LILRA1: variants seen among roughly 807,000 people sequenced by gnomAD.
The protein encoded by LILRA1 is leukocyte immunoglobulin like receptor A1.
Under a neutral mutation model 51.6 loss-of-function variants are expected in LILRA1, and 51 were observed. The observed-to-expected ratio is 0.99, with a 90% CI of 0.79 to 1.25. LILRA1 has a LOEUF of 1.25. Ranked by LOEUF, LILRA1 falls within the 50% of genes most tolerant of loss-of-function variation. The probability of loss-of-function intolerance (pLI) is 0.00; values close to 1 mark genes in which losing one functional copy is unlikely to be tolerated. For synonymous variants in LILRA1, 305 were observed against 248.4 expected, an observed-to-expected ratio of 1.23 and a Z score of -2.14; for missense variants, 660 against 611.7, an observed-to-expected ratio of 1.08 and a Z score of -0.83.
In LILRA1 at chr19:54,595,949, C is replaced by A. The variant is rs376810585; in HGVS notation, c.958+14C>A. ...TCCTGATCGCAGGTGAGGAGCCCAG[C>A]GGGTTCAGTCAGGGACACAGGCTCC... On this transcript the variant is annotated intron_variant, in intron 6 of 9. Transcript: ENST00000251372. The A allele has an allele frequency of 1.2e-6, 2 of 1,611,252 alleles. No homozygotes were observed. The highest frequency in any genetic ancestry group is 2.7e-5 in the African/African-American group (2 of 74,738).
In LILRA1 at chr19:54,595,658, A is replaced by C. The variant is rs1467479038; in HGVS notation, c.681A>C (p.Ser227=). Residue 227 remains serine, a synonymous_variant, in exon 6 of 10, where the codon TCA becomes TCC. Transcript: ENST00000251372. The stretch of plus-strand genomic sequence containing the variant: ...TCCCAGGTGTTTCTAAGAAGCCATC[A>C]CTCTCAGTGCAGCCAGGTCCTATAG... ...LLVLGVSKKP[S]LSVQPGPIVA... 6.2e-6 allele frequency: 10 copies of C among 1,609,470 alleles called. No homozygotes were observed. The highest frequency in any genetic ancestry group is 8.5e-6 in the Non-Finnish European group (10 of 1,176,868).
rs1466761756 is a variant in LILRA1, at chr19:54,601,313, C to A, written c.*496C>A. On this transcript the variant is annotated 3_prime_UTR_variant, in exon 10 of 10. Transcript: ENST00000251372. ...GGATTTCAACCAGGAAAAGATAAAT[C>A]CACCCTGATGCCCTGACACCCTCTC... The A allele has an allele frequency of 5.2e-6, 1 of 193,226 alleles. No individual in the cohort carries two copies. The highest frequency in any genetic ancestry group is 1.4e-4 in the East Asian group (1 of 7,184). 12.0% of individuals were successfully genotyped at this position (193,226 alleles called of 1,614,324 possible).
intron 5 of LILRA1, 97 bp from the exon 6 acceptor site, chr19:54,595,542 A>C (rs567525267): frequency 6.5e-6 from 10 of 1,543,010 alleles, no homozygotes; most frequent in East Asian, 2.3e-5. Flanking sequence ...GGCCGGAGAC[A>C]CAGGAAGATC....
intron 7 of LILRA1, among the ~76,000 whole-genome samples, chr19:54,598,509 C>T (rs1421855839): frequency 1.3e-5 from 2 of 152,140 alleles, no homozygotes; most frequent in East Asian, 3.9e-4. Flanking sequence ...TGCAGCTCAG[C>T]CCTGGGCCTG....
rs2063145052 is a variant in LILRA1, at chr19:54,600,557, G to C, written c.1351+7G>C. 1.2e-6 allele frequency: 2 copies of C among 1,613,994 alleles called. No homozygotes were observed. Among genetic ancestry groups the C allele is most frequent in the Non-Finnish European group, 1.7e-6 (2 of 1,180,006 alleles). On this transcript the variant is annotated splice_region_variant and intron_variant, in intron 9 of 9. Transcript: ENST00000251372. ...CCATCACAAAACAAGACTGGTGAGTGAGGAGATGCTCTCGTTTACGGTGCT... is the reference window on the plus strand; with the variant it reads ...CCATCACAAAACAAGACTGGTGAGTCAGGAGATGCTCTCGTTTACGGTGCT...
chr19:54,602,228 T>C lies in LILRA1; in HGVS notation c.*1411T>C, dbSNP rs2063172656. 6.6e-6 allele frequency: 1 copy of C among 152,064 alleles called. No homozygotes were observed. The allele number at this position is 152,064 out of a possible 1,614,324, so 9.4% of individuals were successfully genotyped here. On this transcript the variant is annotated 3_prime_UTR_variant, in exon 10 of 10. Coordinates refer to ENST00000251372, the MANE Select transcript of LILRA1 (RefSeq NM_006863.4). ...CCTCTAGAATAAAGAAATCTTATCA[T>C]TCACCGTCTACCCTCTAGAGTAAAC...
At chr19:54,596,540 C>T (rs2063062789) in intron 7 of LILRA1, 49 bp downstream of exon 7, 1 of 1,610,416 alleles carries the variant, frequency 6.2e-7, no homozygotes, top group East Asian at 2.2e-5. Context: ...TCAGCTCAGG[C>T]CCTGCCCCCC....
In LILRA1 at chr19:54,594,326, C is replaced by T. The variant is rs1245587089; in HGVS notation, c.34+48C>T. Reference sequence around the variant, plus strand: ...AGCTTCTAACCTAGGAGGGACCTCACCCCACAGCCGACCTCTAGTCCCTAA... The same window carrying T: ...AGCTTCTAACCTAGGAGGGACCTCATCCCACAGCCGACCTCTAGTCCCTAA... On this transcript the variant is annotated intron_variant, in intron 2 of 9. Coordinates refer to ENST00000251372, the MANE Select transcript of LILRA1 (RefSeq NM_006863.4). The T allele has an allele frequency of 5.0e-6, 8 of 1,613,416 alleles. No individual in the cohort carries two copies. The African/African-American group carries it at 5.3e-5, about 11-fold the overall frequency.
At position 54,595,233 on chromosome 19, in the gene LILRA1, C is replaced by A. The variant is rs780298927; in HGVS notation, c.492C>A (p.His164Gln). The A allele has an allele frequency of 6.2e-7, 1 of 1,614,130 alleles. No homozygotes were observed. The highest frequency in any genetic ancestry group is 8.5e-7 in the Non-Finnish European group (1 of 1,180,010). Residue 164 changes from histidine (H) to glutamine (Q), a missense_variant, in exon 5 of 10, where the codon CAC becomes CAA. By Grantham distance (24) the His-to-Gln change is conservative (BLOSUM62 0). Coordinates refer to ENST00000251372, the MANE Select transcript of LILRA1 (RefSeq NM_006863.4). ...TGTGTAAGGAAGGAGAAGATGAACA[C>A]CCACAATGCCTGAACTCACAGCCCC... ...FILCKEGEDE[H>Q]PQCLNSQPRT...
rs1427441392 is a variant in LILRA1 at position 54,599,249 on chromosome 19, C to A, written c.1275C>A (p.Thr425=). 1.3e-6 allele frequency: 2 copies of A among 1,573,910 alleles called. No individual in the cohort carries two copies. The highest frequency in any genetic ancestry group is 1.7e-6 in the Non-Finnish European group (2 of 1,155,610). Reference sequence around the variant, plus strand: ...TTTGATTCTCAGGAGCAGCTGAGACCCTCAGCCCACCACAAAACAAGTCCG... The same window carrying A: ...TTTGATTCTCAGGAGCAGCTGAGACACTCAGCCCACCACAAAACAAGTCCG... ...LELMVSGAAE[T]LSPPQNKSDS... Residue 425 remains threonine (T), a synonymous_variant, in exon 8 of 10, where the codon ACC becomes ACA. Transcript: ENST00000251372.
chr19:54,598,760 G>A (rs557418250), intron 7 of LILRA1, among the ~76,000 whole-genome samples: 1 of 152,108 alleles, frequency 6.6e-6, no homozygotes, highest in East Asian at 1.9e-4. Context: ...ATTGTTAAAG[G>A]TGTTGAATAA....
rs1203637943 is a variant in LILRA1, at chr19:54,596,291, C to A, written c.1061C>A (p.Thr354Asn). 4 of 1,614,040 alleles carry A rather than the reference C, an allele frequency of 2.5e-6. No homozygotes were observed. Among genetic ancestry groups the A allele is most frequent in the Non-Finnish European group, 3.4e-6 (4 of 1,180,026 alleles). Residue 354 changes from threonine to asparagine, a missense_variant, in exon 7 of 10, where the codon ACT becomes AAT. Physicochemically the swap from Thr to Asn is moderately conservative, Grantham distance 65. Transcript: ENST00000251372. ...LLCQSWGPFH[T>N]FLLTKAGAAD... ...TGTCAGTCATGGGGGCCGTTCCACA[C>A]TTTCCTTCTGACCAAGGCGGGAGCA... is the stretch of plus-strand genomic sequence containing the variant.
At chr19:54,596,596 G>T in intron 7 of LILRA1, 105 bp downstream of exon 7, 7 of 1,498,544 alleles carry the variant, frequency 4.7e-6, no homozygotes, top group Non-Finnish European at 6.4e-6. Flanking sequence ...GGCTGGGCAC[G>T]GTGGCTTACA....
chr19:54,594,348 C>T, intron 2 of LILRA1, 70 bp downstream of exon 2: 11 of 1,613,946 alleles, frequency 6.8e-6, no homozygotes, highest in South Asian at 1.1e-5. Flanking sequence ...CCTCTAGTCC[C>T]TAAGGAGACC....
Position 54,601,145 on chromosome 19 carries a change from A to T in LILRA1, c.*328A>T. The T allele has an allele frequency of 2.3e-6, 1 of 435,040 alleles. No individual in the cohort carries two copies. The highest frequency in any genetic ancestry group is 2.5e-5 in the South Asian group (1 of 40,312). 26.9% of individuals were successfully genotyped at this position (435,040 alleles called of 1,614,324 possible). On this transcript the variant is annotated 3_prime_UTR_variant, in exon 10 of 10. Transcript: ENST00000251372. ...CAGCGTTGGGTCCACACCTCTGCACATCTGTGTGCTCTGGTCCATGGTGTG... is the reference window on the plus strand; with the variant it reads ...CAGCGTTGGGTCCACACCTCTGCACTTCTGTGTGCTCTGGTCCATGGTGTG...
At chr19:54,594,397 C>A (rs774712897) in intron 2 of LILRA1, 44 bp from the exon 3 acceptor site, 1 of 1,614,186 alleles carries the variant, frequency 6.2e-7, no homozygotes, top group Non-Finnish European at 8.5e-7. Context: ...GGAGGACCTG[C>A]CCAGGCTTCA....
In LILRA1 at chr19:54,601,434, T is replaced by A. The variant is rs1600279594; in HGVS notation, c.*617T>A. ...CATCACTGCCATCCTGTTCCACACA[T>A]GGTCATCACCCTACACCCATTCAGC... On this transcript the variant is annotated 3_prime_UTR_variant, in exon 10 of 10. Coordinates refer to ENST00000251372, the MANE Select transcript of LILRA1 (RefSeq NM_006863.4). 1 of 160,562 alleles carries A rather than the reference T, an allele frequency of 6.2e-6. No homozygotes were observed. Among genetic ancestry groups the A allele is most frequent in the East Asian group, 1.9e-4 (1 of 5,392 alleles). 9.9% of individuals were successfully genotyped at this position (160,562 alleles called of 1,614,324 possible). A position where few individuals can be genotyped will look rare whatever the true frequency, so the allele number is the denominator to read the frequency against.
intron 7 of LILRA1, among the ~76,000 whole-genome samples, chr19:54,598,275 A>T (rs1345259823): frequency 6.6e-6 from 1 of 152,032 alleles, no homozygotes; most frequent in African/African-American, 2.4e-5. Context: ...AAAACATTTA[A>T]TTTTACTTTG....
intron 8 of LILRA1, among the ~76,000 whole-genome samples, chr19:54,600,237 C>A (rs2063139880): frequency 6.6e-6 from 1 of 152,172 alleles, no homozygotes; most frequent in South Asian, 2.1e-4. Context: ...AGACAGCGCA[C>A]AGGGCTCAGT....
Sources: gnomAD v4.1 joint callset for allele counts (sites outside exome capture counted in the v4.1 genomes callset) on GRCh38, gnomAD v4.1.1 for gene constraint, MANE v1.5 for transcripts, NCBI Gene and HGNC (gene_info 2026-07-23, HGNC 2026-07-21) for gene names.